HTD2: variants seen among roughly 807,000 people sequenced by gnomAD.
HTD2 encodes hydroxyacyl-thioester dehydratase type 2, also known as hydroxyacyl-thioester dehydratase type 2, mitochondrial.
HTD2 carries 1 observed loss-of-function variant against 3.1 expected under a neutral mutation model. That is an observed-to-expected ratio of 0.32 (90% CI 0.11 to 1.52). HTD2 has a LOEUF of 1.52. Ranked by LOEUF, HTD2 falls within the 40% of genes most tolerant of loss-of-function variation. The pLI is 0.39. For missense variants in HTD2, 150 were observed against 79.6 expected, an observed-to-expected ratio of 1.88 and a Z score of -3.36; for synonymous variants, 50 against 28.9, an observed-to-expected ratio of 1.73 and a Z score of -2.34.
In HTD2 at chr3:58,318,334, C is replaced by G. The variant is rs989697827; in HGVS notation, c.*214C>G. The G allele has an allele frequency of 4.6e-6, 2 of 431,310 alleles. No homozygotes were observed. Among genetic ancestry groups the G allele is most frequent in the East Asian group, 3.5e-5 (1 of 28,288 alleles). The allele number at this position is 431,310 out of a possible 1,614,324, so 26.7% of individuals were successfully genotyped here. A position where few individuals can be genotyped will look rare whatever the true frequency, so the allele number is the denominator to read the frequency against. ...GTGTATGCAGGATTTCATTATCTGC[C>G]TGGGTTTTTTGTTTGTTTTTTGTTT... is the stretch of plus-strand genomic sequence containing the variant. On this transcript the variant is annotated 3_prime_UTR_variant, in exon 5 of 5. Transcript: ENST00000461393.
chr3:58,318,574 AG>A lies in HTD2; in HGVS notation c.*456del, dbSNP rs555457282. On this transcript the variant is annotated 3_prime_UTR_variant, in exon 5 of 5. Coordinates refer to ENST00000461393, the MANE Select transcript of HTD2 (RefSeq NM_001348712.2). ...GTAGTCCCAGTTGCTTGGGAGGCTG[AG>A]GTGGGAGAATTGCTTGGGCCTGAGA... 5.2e-4 allele frequency: 79 copies of A among 151,442 alleles called. No individual in the cohort carries two copies. Among genetic ancestry groups the A allele is most frequent in the African/African-American group, 1.6e-3 (66 of 40,574 alleles). The allele number at this position is 151,442 out of a possible 1,614,324, so 9.4% of individuals were successfully genotyped here. A position where few individuals can be genotyped will look rare whatever the true frequency, so the allele number is the denominator to read the frequency against.
chr3:58,308,930 G>A (rs1216046307), intron 1 of HTD2, among the ~76,000 whole-genome samples: 1 of 152,216 alleles, frequency 6.6e-6, no homozygotes, highest in Non-Finnish European at 1.5e-5. Flanking sequence ...TTGGCATGGA[G>A]CCAAGGAAAG....
At chr3:58,315,462 G>A (rs2097487285) in intron 2 of HTD2, among the ~76,000 whole-genome samples, 1 of 152,110 alleles carries the variant, frequency 6.6e-6, no homozygotes, top group Non-Finnish European at 1.5e-5. Context: ...TGATTGTGGT[G>A]GTAGTTATAT....
intron 2 of HTD2, 136 bp downstream of exon 2, chr3:58,310,727 C>G: frequency 3.1e-6 from 2 of 638,142 alleles, no homozygotes; most frequent in East Asian, 2.8e-5. Flanking sequence ...GTCAAGAGAT[C>G]GAGACCATCC....
intron 1 of HTD2, among the ~76,000 whole-genome samples, chr3:58,309,667 G>A (rs865854388): frequency 1.3e-5 from 2 of 152,122 alleles, no homozygotes; most frequent in Non-Finnish European, 1.5e-5. Context: ...CGAGGCAGGC[G>A]TATCACGAGG....
intron 2 of HTD2, among the ~76,000 whole-genome samples, chr3:58,315,390 G>A (rs796447813): frequency 8.5e-5 from 13 of 152,128 alleles, no homozygotes; most frequent in African/African-American, 2.7e-4. Context: ...AGGGGAGGAG[G>A]GGTGGGTGTG....
chr3:58,311,400 G>A (rs558491979), intron 2 of HTD2, among the ~76,000 whole-genome samples: 31 of 152,124 alleles, frequency 2.0e-4, no homozygotes, highest in Non-Finnish European at 3.2e-4. Context: ...GGTGATCCAC[G>A]CGCCTTGGGC....
At chr3:58,311,436 G>A (rs1029613015) in intron 2 of HTD2, among the ~76,000 whole-genome samples, 1 of 152,196 alleles carries the variant, frequency 6.6e-6, no homozygotes, top group South Asian at 2.1e-4. Context: ...TTACAGGCAC[G>A]AGCCACTGTG....
rs201783618 is a variant in HTD2, at chr3:58,316,978, T to G, written c.-190T>G. 1.2e-6 allele frequency: 2 copies of G among 1,613,620 alleles called. No individual in the cohort carries two copies. The highest frequency in any genetic ancestry group is 1.7e-6 in the Non-Finnish European group (2 of 1,179,692). On this transcript the variant is annotated 5_prime_UTR_variant, in exon 4 of 5. Transcript: ENST00000461393. The stretch of plus-strand genomic sequence containing the variant: ...GATCCTATAAAGGCAAAAAATGTGC[T>G]TTCCGGGTGATTCAGGTAAAGACTA...
intron 2 of HTD2, among the ~76,000 whole-genome samples, chr3:58,312,018 G>A (rs554509019): frequency 1.7e-4 from 26 of 151,952 alleles, no homozygotes; most frequent in Non-Finnish European, 3.1e-4. Context: ...GACCACAGGC[G>A]TGTGCCACCA....
In HTD2 at chr3:58,317,750, G is replaced by A; in HGVS notation, c.137G>A (p.Arg46Lys). ...GTTGGAGACCGCGCTGAACTTAGGA[G>A]GGCCTTCACACAGACTGATGTGGCT... ...IKVGDRAELR[R>K]AFTQTDVATF... Residue 46 changes from arginine (R) to lysine (K), a missense_variant, in exon 5 of 5, where the codon AGG (arginine) becomes AAG (lysine). Physicochemically the swap from Arg to Lys is conservative, Grantham distance 26. Transcript: ENST00000461393. The A allele has an allele frequency of 1.4e-6, 1 of 703,346 alleles. No homozygotes were observed. The highest frequency in any genetic ancestry group is 2.6e-6 in the Non-Finnish European group (1 of 385,010). The allele number at this position is 703,346 out of a possible 1,614,324, so 43.6% of individuals were successfully genotyped here.
At chr3:58,310,712 A>C (rs987037016) in intron 2 of HTD2, 121 bp downstream of exon 2, 5 of 743,858 alleles carry the variant, frequency 6.7e-6, no homozygotes, top group Non-Finnish European at 1.1e-5. Context: ...TGGGCAGATC[A>C]TGAGGTCAAG....
At position 58,317,853 on chromosome 3, in the gene HTD2, T is replaced by C. The variant is rs2097490011; in HGVS notation, c.240T>C (p.Asn80=). The C allele has an allele frequency of 1.4e-6, 1 of 703,008 alleles. No individual in the cohort carries two copies. The highest frequency in any genetic ancestry group is 2.6e-6 in the Non-Finnish European group (1 of 385,002). 43.5% of individuals were successfully genotyped at this position (703,008 alleles called of 1,614,324 possible). Residue 80 remains asparagine (N), a synonymous_variant, in exon 5 of 5, where the codon AAT becomes AAC. Transcript: ENST00000461393. ...EDFAKHTKFG[N]TIVHGVLING... ...TTGCAAAACACACCAAGTTTGGAAA[T>C]ACAATTGTACATGGAGTTTTGATCA...
rs751757663 is a variant in HTD2 at position 58,314,675 on chromosome 3, A to ATTTTTTTTTT, written c.-330-1824_-330-1815dup. ...CCACTCTGGAACATAGTTTGGCAGT[A>ATTTTTTTTTT]TTTTTTTTTTTTTTTTTTTTTTTTT... On this transcript the variant is annotated intron_variant, in intron 2 of 4. Coordinates refer to ENST00000461393, the MANE Select transcript of HTD2 (RefSeq NM_001348712.2). 7.4e-4 allele frequency among the ~76,000 whole-genome samples: 67 copies of ATTTTTTTTTT among 90,580 alleles called. 2 individuals carry two copies. The highest frequency in any genetic ancestry group is 3.6e-3 in the East Asian group (9 of 2,534). 59.4% of individuals were successfully genotyped at this position (90,580 alleles called of 152,430 possible). A position where few individuals can be genotyped will look rare whatever the true frequency, so the allele number is the denominator to read the frequency against.
At chr3:58,310,203 C>A in intron 1 of HTD2, 1 of 786,044 alleles carries the variant, frequency 1.3e-6, no homozygotes, top group Non-Finnish European at 2.1e-6. Context: ...TGAGACCCTG[C>A]CTTAAAACAA....
chr3:58,318,222 G>C lies in HTD2; in HGVS notation c.*102G>C, dbSNP rs755867595. Reference sequence around the variant, plus strand: ...CAAAGAATGGTTGATAGGCCCAGAAGCCCATCTTAGTTAGGGGAAGGGAGC... The same window carrying C: ...CAAAGAATGGTTGATAGGCCCAGAACCCCATCTTAGTTAGGGGAAGGGAGC... On this transcript the variant is annotated 3_prime_UTR_variant, in exon 5 of 5. Coordinates refer to ENST00000461393, the MANE Select transcript of HTD2 (RefSeq NM_001348712.2). 1.7e-6 allele frequency: 1 copy of C among 588,136 alleles called. No homozygotes were observed. Among genetic ancestry groups the C allele is most frequent in the Non-Finnish European group, 3.0e-6 (1 of 334,980 alleles). 36.4% of individuals were successfully genotyped at this position (588,136 alleles called of 1,614,324 possible). A position where few individuals can be genotyped will look rare whatever the true frequency, so the allele number is the denominator to read the frequency against.
chr3:58,309,327 G>A (rs1430270433), intron 1 of HTD2, among the ~76,000 whole-genome samples: 2 of 152,114 alleles, frequency 1.3e-5, no homozygotes, highest in Non-Finnish European at 2.9e-5. Flanking sequence ...TGTTACCTAC[G>A]TTTACTAAAC....
Position 58,318,417 on chromosome 3 carries a change from G to T in HTD2, c.*297G>T. The T allele has an allele frequency of 4.8e-6, 1 of 207,444 alleles. No individual in the cohort carries two copies. The highest frequency in any genetic ancestry group is 9.5e-6 in the Non-Finnish European group (1 of 104,870). The allele number at this position is 207,444 out of a possible 1,614,324, so 12.9% of individuals were successfully genotyped here. ...TCATGCCTGTAATCCTGGCACTTTG[G>T]GAGGCTGCGGCAGGCGGATCACTTG... is the stretch of plus-strand genomic sequence containing the variant. On this transcript the variant is annotated 3_prime_UTR_variant, in exon 5 of 5. Coordinates refer to ENST00000461393, the MANE Select transcript of HTD2 (RefSeq NM_001348712.2).
rs955619649 is a variant in HTD2, at chr3:58,310,711, C to G, written c.-331+120C>G. The G allele has an allele frequency of 1.2e-5, 9 of 747,906 alleles. No homozygotes were observed. The African/African-American group carries it at 1.6e-4, about 13-fold the overall frequency. The allele number at this position is 747,906 out of a possible 1,614,324, so 46.3% of individuals were successfully genotyped here. A position where few individuals can be genotyped will look rare whatever the true frequency, so the allele number is the denominator to read the frequency against. On this transcript the variant is annotated intron_variant, in intron 2 of 4. Coordinates refer to ENST00000461393, the MANE Select transcript of HTD2 (RefSeq NM_001348712.2). ...ACTTTGGAGGCCGAGGTGGGCAGAT[C>G]ATGAGGTCAAGAGATCGAGACCATC...
Sources: allele counts gnomAD v4.1 joint callset (sites outside exome capture counted in the v4.1 genomes callset), GRCh38; gene constraint gnomAD v4.1.1; transcripts MANE v1.5; gene names NCBI Gene and HGNC (gene_info 2026-07-23, HGNC 2026-07-21).